The following FNBP1L variants were observed in gnomAD, a reference collection of about 807,000 sequenced individuals.
The protein encoded by FNBP1L is formin binding protein 1 like.
Under a neutral mutation model 91.2 loss-of-function variants are expected in FNBP1L, and 36 were observed. The observed-to-expected ratio is 0.39, with a 90% CI of 0.30 to 0.52. FNBP1L has a LOEUF of 0.52. FNBP1L is among the 20% of genes least tolerant of loss of function. FNBP1L has a pLI of 0.66. For synonymous variants in FNBP1L, 242 were observed against 237.0 expected (o/e 1.02, Z -0.19); for missense variants, 571 against 732.1 (o/e 0.78, Z 2.54).
At chr1:93,496,632 G>A (rs953192635) in intron 1 of FNBP1L, among the ~76,000 whole-genome samples, 7 of 152,074 alleles carry the variant, frequency 4.6e-5, no homozygotes, top group Non-Finnish European at 7.4e-5. Flanking sequence ...TTGAACTCCT[G>A]AGCTCAAGAG....
rs1672478934 is a variant in FNBP1L at position 93,553,360 on chromosome 1, G to A, written c.*944G>A. 6.5e-6 allele frequency: 1 copy of A among 152,692 alleles called. No homozygotes were observed. The highest frequency in any genetic ancestry group is 6.5e-5 in the Admixed American group (1 of 15,284). The allele number at this position is 152,692 out of a possible 1,614,324, so 9.5% of individuals were successfully genotyped here. A position where few individuals can be genotyped will look rare whatever the true frequency, so the allele number is the denominator to read the frequency against. ...TACAGTATCCCACAAAGGGCTTTAT[G>A]TGTCAGCTCAGTGCGACCTGCTTTA... On this transcript the variant is annotated 3_prime_UTR_variant, in exon 17 of 17. Coordinates refer to ENST00000271234, the MANE Select transcript of FNBP1L (RefSeq NM_001164473.3).
chr1:93,523,279 A>G, intron 3 of FNBP1L, 65 bp from the exon 4 acceptor site: 3 of 1,508,738 alleles, frequency 2.0e-6, no homozygotes, highest in Admixed American at 2.2e-5. Context: ...GATTCAGTCC[A>G]TACCTCACCA....
chr1:93,513,926 T>G lies in FNBP1L; in HGVS notation c.141-8156T>G, dbSNP rs895638327. 3.4e-4 allele frequency among the ~76,000 whole-genome samples: 52 copies of G among 152,194 alleles called. 1 individual carries two copies. Among genetic ancestry groups the G allele is most frequent in the South Asian group, 1.2e-3 (6 of 4,810 alleles). On this transcript the variant is annotated intron_variant, in intron 2 of 16. Coordinates refer to ENST00000271234, the MANE Select transcript of FNBP1L (RefSeq NM_001164473.3). Reference sequence around the variant, plus strand: ...TGTTGGAAGTTCTGGCCAGGGCAATTAGGCAGGAGAAAGAAATAAAGGGTA... The same window carrying G: ...TGTTGGAAGTTCTGGCCAGGGCAATGAGGCAGGAGAAAGAAATAAAGGGTA...
rs774882822 is a variant in FNBP1L at position 93,532,927 on chromosome 1, A to G, written c.645A>G (p.Leu215=). The G allele has an allele frequency of 2.5e-6, 4 of 1,598,200 alleles. No individual in the cohort carries two copies. The highest frequency in any genetic ancestry group is 2.3e-5 in the South Asian group (2 of 88,150). The change falls in exon 8 of 17, where the codon CTA becomes CTG. Residue 215 remains leucine (L), a synonymous_variant. Coordinates refer to ENST00000271234, the MANE Select transcript of FNBP1L (RefSeq NM_001164473.3). ...AAAAAATTCTTGATTATTAGCAACTACAAGAAATGGACGAACGAAGGACTA... is the reference window on the plus strand; with the variant it reads ...AAAAAATTCTTGATTATTAGCAACTGCAAGAAATGGACGAACGAAGGACTA... ...YVVIPQIYKQ[L]QEMDERRTIK... is the part of the protein sequence containing the mutation.
chr1:93,530,810 A>G lies in FNBP1L; in HGVS notation c.566A>G (p.Tyr189Cys). The part of the protein sequence containing the change: ...THMADENKNE[Y>C]AAQLQNFNGE... Reference sequence around the variant, plus strand: ...ATGGCCGATGAAAATAAAAATGAATATGCTGCACAATTACAAAACTTTAAT... The same window carrying G: ...ATGGCCGATGAAAATAAAAATGAATGTGCTGCACAATTACAAAACTTTAAT... Residue 189 changes from tyrosine (Y) to cysteine (C), a missense_variant, in exon 7 of 17, where the codon TAT (tyrosine) becomes TGT (cysteine). By Grantham distance (194) the Tyr-to-Cys change is radical. Around this residue, in one of 5 missense-constraint regions of FNBP1L, gnomAD observed 220 missense variants for 313.6 expected, o/e 0.70. Transcript: ENST00000271234. 1 of 1,575,988 alleles carries G rather than the reference A, an allele frequency of 6.3e-7. No individual in the cohort carries two copies. The highest frequency in any genetic ancestry group is 8.6e-7 in the Non-Finnish European group (1 of 1,158,742).
chr1:93,553,410 C>T lies in FNBP1L; in HGVS notation c.*994C>T, dbSNP rs1304025581. 3 of 152,648 alleles carry T rather than the reference C, an allele frequency of 2.0e-5. No individual in the cohort carries two copies. The highest frequency in any genetic ancestry group is 4.8e-5 in the African/African-American group (2 of 41,438). 9.5% of individuals were successfully genotyped at this position (152,648 alleles called of 1,614,324 possible). A position where few individuals can be genotyped will look rare whatever the true frequency, so the allele number is the denominator to read the frequency against. ...AACTCTGCAGCACCGCTGCAGCTGC[C>T]GATGTAGCCTCGGTAGGTGGCTATT... On this transcript the variant is annotated 3_prime_UTR_variant, in exon 17 of 17. Transcript: ENST00000271234.
intron 1 of FNBP1L, among the ~76,000 whole-genome samples, chr1:93,494,707 T>C (rs1308274930): frequency 6.6e-6 from 1 of 152,226 alleles, no homozygotes; most frequent in African/African-American, 2.4e-5. Context: ...GTAGCTGTAT[T>C]AGTCTGTTCG....
chr1:93,453,573 A>G (rs370858524), intron 1 of FNBP1L, among the ~76,000 whole-genome samples: 8 of 152,328 alleles, frequency 5.3e-5, no homozygotes, highest in Admixed American at 3.9e-4. Context: ...ATAAATGTCA[A>G]ATACCTTCTG....
intron 7 of FNBP1L, 28 bp downstream of exon 7, chr1:93,530,911 G>GT (rs1196558290): frequency 4.9e-5 from 73 of 1,478,484 alleles, no homozygotes; most frequent in Non-Finnish European, 6.4e-5. Flanking sequence ...AGTTAATCTA[G>GT]TTTTAGATTA....
chr1:93,450,600 A>T (rs760141649), intron 1 of FNBP1L, among the ~76,000 whole-genome samples: 4 of 152,212 alleles, frequency 2.6e-5, no homozygotes, highest in Admixed American at 6.5e-5. Context: ...TATACTTCTA[A>T]TGGATTGTAA....
At chr1:93,524,135 C>CT (rs1557809387) in intron 4 of FNBP1L, 126 bp from the exon 5 acceptor site, 3 of 654,560 alleles carry the variant, frequency 4.6e-6, no homozygotes, top group Non-Finnish European at 6.8e-6. Flanking sequence ...TAATTAGTAC[C>CT]TTGAAAAAAA....
chr1:93,523,352 C>A lies in FNBP1L; in HGVS notation c.203C>A (p.Ser68Ter). ...TGAAATGTTTTTGCCAGGTTTACCT[C>A]GTGTGTAGCCTTTTTTAATATCCTT... ...SSKDEEPRFTSCVAFFNILNE... is the reference protein window; with the variant it reads ...SSKDEEPRFT The change falls in exon 4 of 17, where the codon TCG (serine) becomes TAG (stop). Residue 68 changes from serine to a stop codon, truncating the protein, a stop_gained. Coordinates refer to ENST00000271234, the MANE Select transcript of FNBP1L (RefSeq NM_001164473.3). LOFTEE classifies it high-confidence loss of function. 6.2e-7 allele frequency: 1 copy of A among 1,600,916 alleles called. No individual in the cohort carries two copies. The highest frequency in any genetic ancestry group is 8.5e-7 in the Non-Finnish European group (1 of 1,174,230).
Position 93,552,441 on chromosome 1 carries a change from A to G in FNBP1L, c.*25A>G. On this transcript the variant is annotated 3_prime_UTR_variant, in exon 17 of 17. Coordinates refer to ENST00000271234, the MANE Select transcript of FNBP1L (RefSeq NM_001164473.3). ...AAGAGGGTTTCTGAGGAAATGGGCAAGATGTTGAAGGAGGTTACATGCAGC... is the reference window on the plus strand; with the variant it reads ...AAGAGGGTTTCTGAGGAAATGGGCAGGATGTTGAAGGAGGTTACATGCAGC... 6.2e-7 allele frequency: 1 copy of G among 1,612,576 alleles called. No homozygotes were observed. Among genetic ancestry groups the G allele is most frequent in the Non-Finnish European group, 8.5e-7 (1 of 1,179,252 alleles).
intron 10 of FNBP1L, among the ~76,000 whole-genome samples, chr1:93,537,668 A>C (rs568503097): frequency 6.6e-6 from 1 of 152,120 alleles, no homozygotes; most frequent in Non-Finnish European, 1.5e-5. Context: ...AATTGATGAC[A>C]TTTTGAAAAG....
intron 1 of FNBP1L, among the ~76,000 whole-genome samples, chr1:93,495,213 T>C (rs1009099049): frequency 3.0e-4 from 46 of 152,230 alleles, no homozygotes; most frequent in African/African-American, 1.1e-3. Context: ...GGAAAGTTTG[T>C]TGTACAGTTT....
intron 11 of FNBP1L, 38 bp from the exon 12 acceptor site, chr1:93,544,069 G>A (rs748933964): frequency 8.5e-5 from 122 of 1,435,766 alleles, no homozygotes; most frequent in Middle Eastern, 1.8e-4. Flanking sequence ...AAAATTTCCC[G>A]AAAATGTCTA....
intron 2 of FNBP1L, among the ~76,000 whole-genome samples, chr1:93,508,323 T>G (rs903514147): frequency 1.3e-5 from 2 of 152,152 alleles, no homozygotes; most frequent in South Asian, 2.1e-4. Flanking sequence ...TACTCCAGCC[T>G]GGGTGACAGA....
intron 1 of FNBP1L, among the ~76,000 whole-genome samples, chr1:93,479,531 A>G (rs959046728): frequency 6.6e-6 from 1 of 152,138 alleles, no homozygotes; most frequent in East Asian, 1.9e-4. Context: ...GGCGTATTTC[A>G]GTCCTTATCT....
At chr1:93,495,700 A>G (rs1234335052) in intron 1 of FNBP1L, among the ~76,000 whole-genome samples, 1 of 152,154 alleles carries the variant, frequency 6.6e-6, no homozygotes, top group Non-Finnish European at 1.5e-5. Flanking sequence ...ATTTTTGAGA[A>G]AATTTAATCT....
Sources: gnomAD v4.1 joint callset for allele counts (sites outside exome capture counted in the v4.1 genomes callset) on GRCh38, gnomAD v4.1.1 for gene constraint, gnomAD v4.1.1 regional missense constraint, MANE v1.5 for transcripts, NCBI Gene and HGNC (gene_info 2026-07-23, HGNC 2026-07-21) for gene names.